Variants in METTL15 observed in about 807,000 individuals in gnomAD.
The protein encoded by METTL15 is methyltransferase 15, mitochondrial 12S rRNA N4-cytidine.
In METTL15, 34 loss-of-function variants were observed where a neutral mutation model predicts 38.3. The ratio of observed to expected loss-of-function variants is 0.89; its 90% CI spans 0.68 to 1.18. The LOEUF is 1.18. METTL15 is among the 50% of genes most tolerant of loss of function. The pLI is 0.00. For synonymous variants in METTL15, 162 were observed against 170.9 expected, an observed-to-expected ratio of 0.95 and a Z score of 0.41; for missense variants, 438 against 498.4, an observed-to-expected ratio of 0.88 and a Z score of 1.15.
intron 6 of METTL15, among the ~76,000 whole-genome samples, chr11:28,450,305 A>T (rs148479036): frequency 6.6e-6 from 1 of 152,360 alleles, no homozygotes; most frequent in East Asian, 1.9e-4. Flanking sequence ...CACATTAAGG[A>T]CCTACCATGT....
intron 3 of METTL15, among the ~76,000 whole-genome samples, chr11:28,123,185 A>G (rs753232652): frequency 6.6e-6 from 1 of 152,118 alleles, no homozygotes; most frequent in Non-Finnish European, 1.5e-5. Context: ...AAGCACATAC[A>G]CACGAGTCAT....
rs570228965 is a variant in METTL15, at chr11:28,520,228, C to G, written c.*425-6250C>G. 2.6e-5 allele frequency among the ~76,000 whole-genome samples: 4 copies of G among 152,086 alleles called. No homozygotes were observed. The South Asian group carries it at 6.2e-4, about 24-fold the overall frequency. ...TGGTGCATACCTGTATTCCCAGCTA[C>G]TCAGGAGTCTGAGGTGGGAGGATCA... On this transcript the variant is annotated intron_variant and NMD_transcript_variant, in intron 6 of 7. Transcript: ENST00000532947.
chr11:28,150,420 C>T (rs1850039982), intron 3 of METTL15, among the ~76,000 whole-genome samples: 1 of 151,910 alleles, frequency 6.6e-6, no homozygotes. Flanking sequence ...TAAAGCTTCA[C>T]TAACACCTCT....
intron 3 of METTL15, among the ~76,000 whole-genome samples, chr11:28,189,522 A>G (rs989979524): frequency 2.6e-5 from 4 of 151,326 alleles, no homozygotes; most frequent in Non-Finnish European, 5.9e-5. Context: ...ATTTTTTCAA[A>G]TACCTACTTT....
At chr11:28,196,186 T>G (rs760671468) in intron 3 of METTL15, among the ~76,000 whole-genome samples, 1 of 152,108 alleles carries the variant, frequency 6.6e-6, no homozygotes, top group Non-Finnish European at 1.5e-5. Context: ...CTATTCGGGC[T>G]CTTTATTGGT....
Position 28,211,053 on chromosome 11 carries a change from G to A in METTL15, c.271-9G>A, listed in dbSNP as rs1303473848. 6.3e-7 allele frequency: 1 copy of A among 1,597,122 alleles called. No individual in the cohort carries two copies. Among genetic ancestry groups the A allele is most frequent in the Admixed American group, 1.8e-5 (1 of 56,214 alleles). On this transcript the variant is annotated splice_polypyrimidine_tract_variant and intron_variant, in intron 3 of 6. Transcript: ENST00000407364. ...CTAAGTTGTAATTTTCTTTTTCTGT[G>A]TTTGCTAGATTTTTCTAGATATGAC...
chr11:28,182,814 G>A (rs547365949), intron 3 of METTL15, among the ~76,000 whole-genome samples: 1 of 152,190 alleles, frequency 6.6e-6, no homozygotes, highest in East Asian at 1.9e-4. Flanking sequence ...TAGCTTGATG[G>A]GGATAGCATT....
At chr11:28,365,579 C>G (rs1018858203) in intron 5 of METTL15, among the ~76,000 whole-genome samples, 4 of 151,696 alleles carry the variant, frequency 2.6e-5, no homozygotes, top group Non-Finnish European at 1.5e-5. Context: ...TTCTTTAAAC[C>G]TCCTGCTTTC....
intron 3 of METTL15, among the ~76,000 whole-genome samples, chr11:28,350,511 C>T (rs1188423580): frequency 6.6e-6 from 1 of 152,152 alleles, no homozygotes; most frequent in Non-Finnish European, 1.5e-5. Flanking sequence ...AATTGTTCCT[C>T]TAATGGAAAA....
chr11:28,439,727 A>G (rs1451240940), intron 6 of METTL15, among the ~76,000 whole-genome samples: 5 of 152,136 alleles, frequency 3.3e-5, no homozygotes, highest in African/African-American at 4.8e-5. Flanking sequence ...TCCTACTGCA[A>G]TTATCTGTTG....
intron 3 of METTL15, among the ~76,000 whole-genome samples, chr11:28,207,088 A>T (rs1386710768): frequency 6.8e-6 from 1 of 146,652 alleles, no homozygotes; most frequent in African/African-American, 2.6e-5. Context: ...TTCCTAATTG[A>T]ATACCTTTTA....
chr11:28,382,818 A>C (rs1030032418), intron 5 of METTL15, among the ~76,000 whole-genome samples: 1 of 151,646 alleles, frequency 6.6e-6, no homozygotes, highest in African/African-American at 2.4e-5. Context: ...CTGGGCAACA[A>C]GAGTGAAACT....
At chr11:28,177,952 C>G (rs1215397525) in intron 3 of METTL15, among the ~76,000 whole-genome samples, 1 of 151,954 alleles carries the variant, frequency 6.6e-6, no homozygotes, top group Non-Finnish European at 1.5e-5. Context: ...TAATCGAAGA[C>G]AGTTACTCTT....
At chr11:28,457,715 C>T (rs1851180777) in intron 6 of METTL15, among the ~76,000 whole-genome samples, 1 of 152,190 alleles carries the variant, frequency 6.6e-6, no homozygotes, top group African/African-American at 2.4e-5. Flanking sequence ...GGGTACTCTG[C>T]CCTTCTTAGG....
At chr11:28,262,288 T>A (rs1410748324) in intron 4 of METTL15, among the ~76,000 whole-genome samples, 1 of 151,484 alleles carries the variant, frequency 6.6e-6, no homozygotes, top group African/African-American at 2.4e-5. Context: ...CACATAGATA[T>A]ATATGTATAT....
chr11:28,353,677 G>T (rs1284388280), intron 4 of METTL15, among the ~76,000 whole-genome samples: 2 of 152,148 alleles, frequency 1.3e-5, no homozygotes, highest in Non-Finnish European at 2.9e-5. Flanking sequence ...TGTAATCCCA[G>T]CACTTTGGGA....
At chr11:28,159,678 A>T (rs1454503370) in intron 3 of METTL15, among the ~76,000 whole-genome samples, 2 of 152,158 alleles carry the variant, frequency 1.3e-5, no homozygotes, top group African/African-American at 2.4e-5. Context: ...CTCCTTTATC[A>T]TGTGACATAA....
intron 5 of METTL15, among the ~76,000 whole-genome samples, chr11:28,366,187 T>C (rs1850183697): frequency 6.6e-6 from 1 of 151,988 alleles, no homozygotes; most frequent in South Asian, 2.1e-4. Context: ...TCAGGGGTCC[T>C]TTTGTAAAAA....
intron 5 of METTL15, among the ~76,000 whole-genome samples, chr11:28,408,522 T>C (rs1367236300): frequency 1.3e-5 from 2 of 152,192 alleles, no homozygotes; most frequent in Non-Finnish European, 2.9e-5. Context: ...GAATAGTTTT[T>C]AAATGTATTA....
Sources: allele counts gnomAD v4.1 joint callset (sites outside exome capture counted in the v4.1 genomes callset), GRCh38; gene constraint gnomAD v4.1.1; transcripts MANE v1.5; gene names NCBI Gene and HGNC (gene_info 2026-07-23, HGNC 2026-07-21).